OSR2: variants seen among roughly 807,000 people sequenced by gnomAD.
OSR2 encodes the protein odd-skipped related transciption factor 2.
A neutral mutation model predicts 22.3 loss-of-function variants in OSR2; 8 were observed. The observed-to-expected ratio is 0.36, with a 90% CI of 0.21 to 0.65. The LOEUF (loss-of-function observed/expected upper bound fraction) is 0.65. Among genes scored for constraint, OSR2 ranks in the 30% least tolerant of loss-of-function variants. OSR2 has a pLI of 0.66. For missense variants in OSR2, 311 were observed against 413.4 expected (o/e 0.75, Z 2.15); for synonymous variants, 179 against 173.8 (o/e 1.03, Z -0.23).
intron 1 of OSR2, among the ~76,000 whole-genome samples, chr8:98,946,803 G>A (rs900691422): frequency 9.2e-5 from 14 of 152,028 alleles, no homozygotes; most frequent in African/African-American, 3.1e-4. Context: ...TGGGAGTTGT[G>A]CTTTGCCTCC....
rs1840794433 is a variant in OSR2 at position 98,951,860 on chromosome 8, G to A, written c.*159G>A. On this transcript the variant is annotated 3_prime_UTR_variant, in exon 4 of 4. Coordinates refer to ENST00000297565, the MANE Select transcript of OSR2 (RefSeq NM_001142462.3). Reference sequence around the variant, plus strand: ...TCCAGGGAGTTAACTCTTCTTCTGGGGGACTGAGAACTGTAGAAAGCCACA... The same window carrying A: ...TCCAGGGAGTTAACTCTTCTTCTGGAGGACTGAGAACTGTAGAAAGCCACA... 2 of 667,736 alleles carry A rather than the reference G, an allele frequency of 3.0e-6. No individual in the cohort carries two copies. The highest frequency in any genetic ancestry group is 5.0e-6 in the Non-Finnish European group (2 of 399,954). 41.4% of individuals were successfully genotyped at this position (667,736 alleles called of 1,614,324 possible).
chr8:98,951,088 C>T (rs1032231724), intron 3 of OSR2: 8 of 518,576 alleles, frequency 1.5e-5, no homozygotes, highest in Admixed American at 7.3e-5. Flanking sequence ...AAATCCCATA[C>T]GTTCTCTTTC....
chr8:98,949,085 G>A lies in OSR2; in HGVS notation c.133G>A (p.Ala45Thr). The A allele has an allele frequency of 6.2e-7, 1 of 1,613,926 alleles. No individual in the cohort carries two copies. The highest frequency in any genetic ancestry group is 8.5e-7 in the Non-Finnish European group (1 of 1,179,904). The change falls in exon 2 of 4, where the codon GCG becomes ACG. Residue 45 changes from alanine to threonine, a missense_variant. Coordinates refer to ENST00000297565, the MANE Select transcript of OSR2 (RefSeq NM_001142462.3). The surrounding 1 kb of genome is among the most constrained non-coding windows in gnomAD (Gnocchi z 5.9). Reference sequence around the variant, plus strand: ...CCTGCAGGGCCTGTACGGTCTCAGCGCGGTACAGACCATGCACATGAACCA... The same window carrying A: ...CCTGCAGGGCCTGTACGGTCTCAGCACGGTACAGACCATGCACATGAACCA... The part of the protein sequence containing the change: ...DHLQGLYGLS[A>T]VQTMHMNHWT...
chr8:98,949,428 C>G lies in OSR2; in HGVS notation c.476C>G (p.Pro159Arg). The G allele has an allele frequency of 6.2e-7, 1 of 1,614,018 alleles. No individual in the cohort carries two copies. Among genetic ancestry groups the G allele is most frequent in the Non-Finnish European group, 8.5e-7 (1 of 1,179,880 alleles). Residue 159 changes from proline (P) to arginine (R), a missense_variant, in exon 2 of 4, where the codon CCC (proline) becomes CGC (arginine). Transcript: ENST00000297565. The surrounding 1 kb of genome is among the most constrained non-coding windows in gnomAD (Gnocchi z 5.9). Reference protein sequence around the residue: ...GLSKLTPDRKPSRGRLPSKTK... With the variant: ...GLSKLTPDRKRSRGRLPSKTK... ...AGTAAATTGACTCCGGACAGAAAGC[C>G]CTCTCGAGGAAGGTTGCCCTCCAAA... is the stretch of plus-strand genomic sequence containing the variant.
At position 98,948,841 on chromosome 8, in the gene OSR2, C is replaced by G. The variant is rs1263249834; in HGVS notation, c.-112C>G. 6 of 1,591,348 alleles carry G rather than the reference C, an allele frequency of 3.8e-6. No homozygotes were observed. The Admixed American group carries it at 1.0e-4, about 28-fold the overall frequency. On this transcript the variant is annotated splice_region_variant and 5_prime_UTR_variant, in exon 2 of 4. Coordinates refer to ENST00000297565, the MANE Select transcript of OSR2 (RefSeq NM_001142462.3). This position sits in a 1 kb window ranked among gnomAD's most constrained non-coding sequence, Gnocchi z 6.0. ...CCTCTCTTCCCTGCCATTTTTAGGGCTTTCTCTACGTGCTGTTGTCTCACT... is the reference window on the plus strand; with the variant it reads ...CCTCTCTTCCCTGCCATTTTTAGGGGTTTCTCTACGTGCTGTTGTCTCACT...
In OSR2 at chr8:98,948,665, G is replaced by A. The variant is rs981687560; in HGVS notation, c.-114-174G>A. ...GTTCTGGCCCCGGGCTGATCTGCAC[G>A]CGGACTTGAGCAGGTGCCAAGGTGC... On this transcript the variant is annotated intron_variant, in intron 1 of 3. Coordinates refer to ENST00000297565, the MANE Select transcript of OSR2 (RefSeq NM_001142462.3). This position sits in a 1 kb window ranked among gnomAD's most constrained non-coding sequence, Gnocchi z 6.0. 3 of 982,168 alleles carry A rather than the reference G, an allele frequency of 3.1e-6. No homozygotes were observed. The highest frequency in any genetic ancestry group is 2.9e-6 in the Non-Finnish European group (2 of 687,644). 60.8% of individuals were successfully genotyped at this position (982,168 alleles called of 1,614,324 possible). A position where few individuals can be genotyped will look rare whatever the true frequency, so the allele number is the denominator to read the frequency against.
Position 98,949,204 on chromosome 8 carries a change from C to G in OSR2, c.252C>G (p.Pro84=). 1 of 1,591,306 alleles carries G rather than the reference C, an allele frequency of 6.3e-7. No individual in the cohort carries two copies. The highest frequency in any genetic ancestry group is 8.6e-7 in the Non-Finnish European group (1 of 1,167,222). The part of the protein sequence containing the change: ...AAQGLVDARF[P]FPALPFTTHL... ...AGGGCCTCGTGGACGCGCGCTTCCC[C>G]TTCCCGGCCCTGCCTTTTACCACCC... is the stretch of plus-strand genomic sequence containing the variant. The change falls in exon 2 of 4, where the codon CCC becomes CCG. Residue 84 remains proline (P), a synonymous_variant. Coordinates refer to ENST00000297565, the MANE Select transcript of OSR2 (RefSeq NM_001142462.3). The surrounding 1 kb of genome is among the most constrained non-coding windows in gnomAD (Gnocchi z 5.9).
At position 98,948,227 on chromosome 8, in the gene OSR2, G is replaced by T; in HGVS notation, c.-114-612G>T. On this transcript the variant is annotated intron_variant, in intron 1 of 3. Coordinates refer to ENST00000297565, the MANE Select transcript of OSR2 (RefSeq NM_001142462.3). The surrounding 1 kb of genome is among the most constrained non-coding windows in gnomAD (Gnocchi z 6.0). ...AAAACCTCCGAGGTCAGTGCGGGGCGAGGTGAGCCCCTCCCAGGGCCCTCT... is the reference window on the plus strand; with the variant it reads ...AAAACCTCCGAGGTCAGTGCGGGGCTAGGTGAGCCCCTCCCAGGGCCCTCT... 1 of 1,469,680 alleles carries T rather than the reference G, an allele frequency of 6.8e-7. No individual in the cohort carries two copies. The highest frequency in any genetic ancestry group is 1.3e-5 in the South Asian group (1 of 76,896). The allele number at this position is 1,469,680 out of a possible 1,614,324, so 91.0% of individuals were successfully genotyped here.
chr8:98,948,719 G>C lies in OSR2; in HGVS notation c.-114-120G>C. ...GCAGTCCCCTCACGGCTTTCGGGGG[G>C]TCTTGGAGTCGGGTGGGGAGGGAGA... On this transcript the variant is annotated intron_variant, in intron 1 of 3. Coordinates refer to ENST00000297565, the MANE Select transcript of OSR2 (RefSeq NM_001142462.3). This position sits in a 1 kb window ranked among gnomAD's most constrained non-coding sequence, Gnocchi z 6.0. The C allele has an allele frequency of 3.2e-6, 4 of 1,264,096 alleles. No homozygotes were observed. Among genetic ancestry groups the C allele is most frequent in the Non-Finnish European group, 4.2e-6 (4 of 941,240 alleles). The allele number at this position is 1,264,096 out of a possible 1,614,324, so 78.3% of individuals were successfully genotyped here. A position where few individuals can be genotyped will look rare whatever the true frequency, so the allele number is the denominator to read the frequency against.
At chr8:98,947,687 G>A (rs1003611492) in intron 1 of OSR2, among the ~76,000 whole-genome samples, 1 of 152,172 alleles carries the variant, frequency 6.6e-6, no homozygotes, top group Non-Finnish European at 1.5e-5. Context: ...GAGGGGAAGC[G>A]CCCTGCTTAG....
intron 1 of OSR2, among the ~76,000 whole-genome samples, chr8:98,947,424 GCTGGAGTCTCTC>G (rs1840641126): frequency 6.6e-6 from 1 of 152,090 alleles, no homozygotes; most frequent in Non-Finnish European, 1.5e-5. Flanking sequence ...GGAAGGGAAG[GCTGGAGTCTCTC>G]CTGCCTTCCT....
At position 98,948,690 on chromosome 8, in the gene OSR2, C is replaced by A; in HGVS notation, c.-114-149C>A. On this transcript the variant is annotated intron_variant, in intron 1 of 3. Transcript: ENST00000297565. The surrounding 1 kb of genome is among the most constrained non-coding windows in gnomAD (Gnocchi z 6.0). ...GCGGACTTGAGCAGGTGCCAAGGTG[C>A]CACGCAGTCCCCTCACGGCTTTCGG... 9.2e-7 allele frequency: 1 copy of A among 1,081,754 alleles called. No individual in the cohort carries two copies. The highest frequency in any genetic ancestry group is 2.9e-5 in the Admixed American group (1 of 34,798). The allele number at this position is 1,081,754 out of a possible 1,614,324, so 67.0% of individuals were successfully genotyped here.
At position 98,949,676 on chromosome 8, in the gene OSR2, T is replaced by A; in HGVS notation, c.656+68T>A. The A allele has an allele frequency of 6.6e-7, 1 of 1,514,002 alleles. No homozygotes were observed. Among genetic ancestry groups the A allele is most frequent in the Non-Finnish European group, 8.9e-7 (1 of 1,119,552 alleles). 93.8% of individuals were successfully genotyped at this position (1,514,002 alleles called of 1,614,324 possible). On this transcript the variant is annotated intron_variant, in intron 2 of 3. Transcript: ENST00000297565. The surrounding 1 kb of genome is among the most constrained non-coding windows in gnomAD (Gnocchi z 5.9). Reference sequence around the variant, plus strand: ...TTGTCCTGGACACACCGAGTCCTGATAGACATTCCCAGTGTCATTATAATC... The same window carrying A: ...TTGTCCTGGACACACCGAGTCCTGAAAGACATTCCCAGTGTCATTATAATC...
Position 98,948,869 on chromosome 8 carries a change from G to A in OSR2, c.-84G>A. 6.2e-7 allele frequency: 1 copy of A among 1,610,908 alleles called. No individual in the cohort carries two copies. Reference sequence around the variant, plus strand: ...TCTCTACGTGCTGTTGTCTCACTGGGTTTTTGTCGGAGCCCCACGCCCTCC... The same window carrying A: ...TCTCTACGTGCTGTTGTCTCACTGGATTTTTGTCGGAGCCCCACGCCCTCC... On this transcript the variant is annotated 5_prime_UTR_variant, in exon 2 of 4. Coordinates refer to ENST00000297565, the MANE Select transcript of OSR2 (RefSeq NM_001142462.3). This position sits in a 1 kb window ranked among gnomAD's most constrained non-coding sequence, Gnocchi z 6.0.
intron 1 of OSR2, among the ~76,000 whole-genome samples, chr8:98,946,871 C>T (rs1840626228): frequency 1.3e-5 from 2 of 151,968 alleles, no homozygotes; most frequent in Non-Finnish European, 2.9e-5. Context: ...ATTTCGGTTT[C>T]CTCTCTATGG....
chr8:98,951,871 C>A lies in OSR2; in HGVS notation c.*170C>A. 1 of 630,500 alleles carries A rather than the reference C, an allele frequency of 1.6e-6. No individual in the cohort carries two copies. The highest frequency in any genetic ancestry group is 2.7e-6 in the Non-Finnish European group (1 of 366,732). 39.1% of individuals were successfully genotyped at this position (630,500 alleles called of 1,614,324 possible). The stretch of plus-strand genomic sequence containing the variant: ...AACTCTTCTTCTGGGGGACTGAGAA[C>A]TGTAGAAAGCCACACACTACTACAT... On this transcript the variant is annotated 3_prime_UTR_variant, in exon 4 of 4. Coordinates refer to ENST00000297565, the MANE Select transcript of OSR2 (RefSeq NM_001142462.3).
rs1426994301 is a variant in OSR2 at position 98,951,741 on chromosome 8, C to G, written c.*40C>G. On this transcript the variant is annotated 3_prime_UTR_variant, in exon 4 of 4. Transcript: ENST00000297565. ...TGTCCCGTGCCGCCGCTGCTCCCCT[C>G]CCCAGACACCTCTCCACGTCTCCTA... is the stretch of plus-strand genomic sequence containing the variant. 1 of 1,571,192 alleles carries G rather than the reference C, an allele frequency of 6.4e-7. No homozygotes were observed. Among genetic ancestry groups the G allele is most frequent in the Non-Finnish European group, 8.6e-7 (1 of 1,158,876 alleles).
chr8:98,945,662 T>TTTA (rs1299654724), intron 1 of OSR2, among the ~76,000 whole-genome samples: 2 of 152,156 alleles, frequency 1.3e-5, no homozygotes, highest in Admixed American at 6.5e-5. Flanking sequence ...TTAATTTAAT[T>TTTA]AACTCCTTGG....
chr8:98,946,326 CG>C (rs1208399795), intron 1 of OSR2: 3 of 152,182 alleles, frequency 2.0e-5, no homozygotes, highest in African/African-American at 7.2e-5. Context: ...CTAGACAAAA[CG>C]AAAGTACTTT....
Sources: allele counts gnomAD v4.1 joint callset (sites outside exome capture counted in the v4.1 genomes callset), GRCh38; gene constraint gnomAD v4.1.1; non-coding constraint Gnocchi (gnomAD v3.1); transcripts MANE v1.5; gene names NCBI Gene and HGNC (gene_info 2026-07-23, HGNC 2026-07-21).